GORAB: variants seen among roughly 807,000 people sequenced by gnomAD.
GORAB encodes the protein RAB6-interacting golgin.
Under a neutral mutation model 29.9 loss-of-function variants are expected in GORAB, and 17 were observed. The observed-to-expected ratio is 0.57, with a 90% CI of 0.39 to 0.85. The LOEUF (loss-of-function observed/expected upper bound fraction) is 0.85. GORAB is among the 40% of genes least tolerant of loss of function. GORAB has a pLI of 0.00. For synonymous variants in GORAB, 183 were observed against 157.2 expected, an observed-to-expected ratio of 1.16 and a Z score of -1.23; for missense variants, 442 against 437.8, an observed-to-expected ratio of 1.01 and a Z score of -0.09.
rs1216960770 is a variant in GORAB at position 170,551,238 on chromosome 1, G to T, written c.663-777G>T. 3.3e-5 allele frequency among the ~76,000 whole-genome samples: 5 copies of T among 152,200 alleles called. No homozygotes were observed. The East Asian group carries it at 9.6e-4, about 29-fold the overall frequency. On this transcript the variant is annotated intron_variant, in intron 4 of 4. Coordinates refer to ENST00000367763, the MANE Select transcript of GORAB (RefSeq NM_152281.3). ...CAACTAATGGGTAGAAGCCAGTGAT[G>T]CTGTTTAGCATCTTGCAGTGCAGGA...
chr1:170,534,957 G>T (rs1648964944), intron 1 of GORAB, among the ~76,000 whole-genome samples: 1 of 152,122 alleles, frequency 6.6e-6, no homozygotes. Flanking sequence ...GTAACAAATA[G>T]CCCTAATAAG....
chr1:170,534,244 A>G (rs990893373), intron 1 of GORAB, among the ~76,000 whole-genome samples: 6 of 152,246 alleles, frequency 3.9e-5, no homozygotes, highest in African/African-American at 1.4e-4. Flanking sequence ...AGCCACATGC[A>G]TTAAAATGTT....
intron 1 of GORAB, 102 bp downstream of exon 1, chr1:170,532,386 G>T (rs545683120): frequency 4.4e-5 from 58 of 1,311,006 alleles, no homozygotes; most frequent in Non-Finnish European, 4.9e-5. Context: ...GGCTACGTTT[G>T]TGTTAGCGGA....
intron 1 of GORAB, 128 bp downstream of exon 1, chr1:170,532,412 G>A (rs1648745099): frequency 9.8e-7 from 1 of 1,016,276 alleles, no homozygotes; most frequent in Non-Finnish European, 1.5e-6. Flanking sequence ...CTGTAAGTAC[G>A]TGGACTGGAT....
rs1649263204 is a variant in GORAB at position 170,539,396 on chromosome 1, C to A, written c.248C>A (p.Pro83His). ...GTTCAAAAACCACCTTTTTCTTCCC[C>A]TACTCTTCCGAGTCATTTCACTCTC... ...VNVQKPPFSSPTLPSHFTLTS... is the reference protein window; with the variant it reads ...VNVQKPPFSSHTLPSHFTLTS... Residue 83 changes from proline to histidine, a missense_variant, in exon 2 of 5, where the codon CCT (proline) becomes CAT (histidine). Coordinates refer to ENST00000367763, the MANE Select transcript of GORAB (RefSeq NM_152281.3). The A allele has an allele frequency of 6.2e-7, 1 of 1,614,022 alleles. No homozygotes were observed. The highest frequency in any genetic ancestry group is 8.5e-7 in the Non-Finnish European group (1 of 1,180,008).
Position 170,532,169 on chromosome 1 carries a change from G to T in GORAB, c.-55G>T. 6.2e-7 allele frequency: 1 copy of T among 1,613,412 alleles called. No homozygotes were observed. The highest frequency in any genetic ancestry group is 8.5e-7 in the Non-Finnish European group (1 of 1,180,030). On this transcript the variant is annotated 5_prime_UTR_variant, in exon 1 of 5. Transcript: ENST00000367763. ...CCCGGATGAGCTGGGCAGCAGTGTT[G>T]GCAGTCGCGGCTGCGAGATTTGGGC...
intron 4 of GORAB, among the ~76,000 whole-genome samples, chr1:170,546,948 G>C (rs915876828): frequency 1.3e-5 from 2 of 152,132 alleles, no homozygotes; most frequent in Non-Finnish European, 2.9e-5. Context: ...GCCTCCCAAA[G>C]TTCTGGGATT....
chr1:170,547,861 A>T (rs866087417), intron 4 of GORAB, among the ~76,000 whole-genome samples: 9 of 152,210 alleles, frequency 5.9e-5, no homozygotes, highest in African/African-American at 2.2e-4. Flanking sequence ...TAACTCTATG[A>T]TAAAATCATT....
At chr1:170,549,454 C>T (rs1036214059) in intron 4 of GORAB, among the ~76,000 whole-genome samples, 1 of 152,150 alleles carries the variant, frequency 6.6e-6, no homozygotes, top group Non-Finnish European at 1.5e-5. Context: ...AACCAAGGGA[C>T]CTGTTCGCAA....
chr1:170,542,900 A>G (rs1308418796), intron 3 of GORAB, among the ~76,000 whole-genome samples: 1 of 152,208 alleles, frequency 6.6e-6, no homozygotes, highest in Non-Finnish European at 1.5e-5. Context: ...AGCTATCAGT[A>G]TATGTAAATT....
At position 170,553,033 on chromosome 1, in the gene GORAB, A is replaced by G. The variant is rs1440724177; in HGVS notation, c.*571A>G. 1 of 453,684 alleles carries G rather than the reference A, an allele frequency of 2.2e-6. No homozygotes were observed. Among genetic ancestry groups the G allele is most frequent in the African/African-American group, 2.0e-5 (1 of 50,032 alleles). The allele number at this position is 453,684 out of a possible 1,614,324, so 28.1% of individuals were successfully genotyped here. A position where few individuals can be genotyped will look rare whatever the true frequency, so the allele number is the denominator to read the frequency against. ...GAAGAACCAAACAACTTAAACCAGCATCACTTTTGTCTTCAATTTGCCTTC... is the reference window on the plus strand; with the variant it reads ...GAAGAACCAAACAACTTAAACCAGCGTCACTTTTGTCTTCAATTTGCCTTC... On this transcript the variant is annotated 3_prime_UTR_variant, in exon 5 of 5. Transcript: ENST00000367763.
intron 1 of GORAB, among the ~76,000 whole-genome samples, chr1:170,538,765 A>G (rs1254706189): frequency 1.3e-5 from 2 of 152,232 alleles, no homozygotes; most frequent in East Asian, 3.8e-4. Flanking sequence ...AAGCTGTTAA[A>G]ATTTAAGAGA....
At chr1:170,538,982 T>C in intron 1 of GORAB, 1 of 565,484 alleles carries the variant, frequency 1.8e-6, no homozygotes, top group Non-Finnish European at 3.1e-6. Flanking sequence ...TCTCTGAAGA[T>C]AAATTAAGAG....
chr1:170,539,043 ACT>A (rs1649227123), intron 1 of GORAB, 165 bp from the exon 2 acceptor site: 2 of 732,038 alleles, frequency 2.7e-6, no homozygotes, highest in East Asian at 2.7e-5. Context: ...AACTATTGAA[ACT>A]CTACAGGAAG....
chr1:170,532,241 A>C lies in GORAB; in HGVS notation c.18A>C (p.Ala6=), dbSNP rs1368494375. 1 of 1,614,032 alleles carries C rather than the reference A, an allele frequency of 6.2e-7. No individual in the cohort carries two copies. Among genetic ancestry groups the C allele is most frequent in the African/African-American group, 1.3e-5 (1 of 74,926 alleles). ...CCGGGCCGATGGCGCAAGGTTGGGC[A>C]GGATTCTCTGAGGAGGAACTGAGGA... MAQGW[A]GFSEEELRRL... The change falls in exon 1 of 5, where the codon GCA becomes GCC. Residue 6 remains alanine (A), a synonymous_variant. Coordinates refer to ENST00000367763, the MANE Select transcript of GORAB (RefSeq NM_152281.3).
At chr1:170,532,486 ATCT>A (rs1571233634) in intron 1 of GORAB, 1 of 589,874 alleles carries the variant, frequency 1.7e-6, no homozygotes, top group Non-Finnish European at 3.0e-6. Context: ...GAGGACTGGG[ATCT>A]TCTTTTAGAA....
At chr1:170,546,840 C>T (rs1433122234) in intron 4 of GORAB, among the ~76,000 whole-genome samples, 1 of 152,080 alleles carries the variant, frequency 6.6e-6, no homozygotes, top group Non-Finnish European at 1.5e-5. Flanking sequence ...CCCACCACCA[C>T]ACCTGGCTAA....
At chr1:170,545,393 A>G (rs1202269335) in intron 4 of GORAB, 5 of 951,822 alleles carry the variant, frequency 5.3e-6, no homozygotes, top group Non-Finnish European at 6.3e-6. Context: ...TTTCCTTTCA[A>G]TTATACTCTG....
Position 170,544,688 on chromosome 1 carries a change from C to T in GORAB, c.522-17C>T, listed in dbSNP as rs1649646995. 4 of 1,612,588 alleles carry T rather than the reference C, an allele frequency of 2.5e-6. No individual in the cohort carries two copies. In the East Asian group the frequency reaches 6.7e-5, roughly 27 times the overall value. ...TAAAATGTTCTTATTTTCCCACTCACATACCTGATTTTCTAGATCCAAAAG... is the reference window on the plus strand; with the variant it reads ...TAAAATGTTCTTATTTTCCCACTCATATACCTGATTTTCTAGATCCAAAAG... On this transcript the variant is annotated splice_polypyrimidine_tract_variant and intron_variant, in intron 3 of 4. Coordinates refer to ENST00000367763, the MANE Select transcript of GORAB (RefSeq NM_152281.3).
Sources: gnomAD v4.1 joint callset for allele counts (sites outside exome capture counted in the v4.1 genomes callset) on GRCh38, gnomAD v4.1.1 for gene constraint, MANE v1.5 for transcripts, NCBI Gene and HGNC (gene_info 2026-07-23, HGNC 2026-07-21) for gene names.